The following ZBTB44 variants were observed in gnomAD, a reference collection of about 807,000 sequenced individuals.
The protein encoded by ZBTB44 is zinc finger and BTB domain-containing protein 44.
ZBTB44 carries 15 observed loss-of-function variants against 54.0 expected under a neutral mutation model. The ratio of observed to expected loss-of-function variants is 0.28; its 90% CI spans 0.19 to 0.43. The LOEUF is 0.43. Among genes scored for constraint, ZBTB44 ranks in the 20% least tolerant of loss-of-function variants. The pLI, the probability that ZBTB44 is intolerant of heterozygous loss-of-function variation, is 1.00. For synonymous variants in ZBTB44, 230 were observed against 250.1 expected, an observed-to-expected ratio of 0.92 and a Z score of 0.76; for missense variants, 487 against 707.1, an observed-to-expected ratio of 0.69 and a Z score of 3.53.
chr11:130,238,335 C>T, intron 4 of ZBTB44, 109 bp downstream of exon 4: 1 of 1,335,810 alleles, frequency 7.5e-7, no homozygotes, highest in South Asian at 1.7e-5. Context: ...TTTGACTTCC[C>T]AGAGTTTTTT....
chr11:130,245,551 C>A (rs1954605081), intron 2 of ZBTB44, among the ~76,000 whole-genome samples: 1 of 152,176 alleles, frequency 6.6e-6, no homozygotes, highest in South Asian at 2.1e-4. Flanking sequence ...CAAAGGCTTG[C>A]CCCAAAACGC....
At chr11:130,233,020 A>C (rs941763683) in intron 7 of ZBTB44, 1 of 301,414 alleles carries the variant, frequency 3.3e-6, no homozygotes, top group African/African-American at 2.2e-5. Context: ...AAAAAGAAAA[A>C]AAAAAAGAAT....
intron 1 of ZBTB44, among the ~76,000 whole-genome samples, chr11:130,272,987 T>C (rs772733875): frequency 1.1e-4 from 17 of 152,142 alleles, no homozygotes; most frequent in Non-Finnish European, 2.2e-4. Context: ...AGAAGCTGAG[T>C]CCTCTTATTT....
At chr11:130,284,492 A>T (rs569540985) in intron 1 of ZBTB44, among the ~76,000 whole-genome samples, 1 of 152,330 alleles carries the variant, frequency 6.6e-6, no homozygotes, top group South Asian at 2.1e-4. Context: ...TTAACGTCAG[A>T]GCTAGGGATG....
intron 1 of ZBTB44, among the ~76,000 whole-genome samples, chr11:130,281,089 T>G (rs1940463869): frequency 6.6e-6 from 1 of 152,116 alleles, no homozygotes; most frequent in South Asian, 2.1e-4. Context: ...AACGTTAAAA[T>G]GAACAAAAAT....
chr11:130,274,283 G>T (rs1241259404), intron 1 of ZBTB44, among the ~76,000 whole-genome samples: 2 of 152,170 alleles, frequency 1.3e-5, no homozygotes, highest in Admixed American at 6.5e-5. Flanking sequence ...GATTTGGGAT[G>T]CTCAACGTGT....
chr11:130,256,877 A>G (rs1353783508), intron 2 of ZBTB44, among the ~76,000 whole-genome samples: 2 of 152,136 alleles, frequency 1.3e-5, no homozygotes, highest in Non-Finnish European at 2.9e-5. Flanking sequence ...TATTCAACAC[A>G]GTACTGGAAG....
At chr11:130,232,751 A>C (rs1953925846) in intron 7 of ZBTB44, 1 of 152,360 alleles carries the variant, frequency 6.6e-6, no homozygotes, top group African/African-American at 2.4e-5. Flanking sequence ...CAGTGATCCC[A>C]GCAGTCTGGG....
Position 130,261,778 on chromosome 11 carries a change from A to C in ZBTB44, c.96T>G (p.Asp32Glu). Residue 32 changes from aspartate to glutamate, a missense_variant, in exon 2 of 8, where the codon GAT becomes GAG. Asp to Glu is a conservative substitution (Grantham distance 45). Transcript: ENST00000357899. The surrounding 1 kb of genome is among the most constrained non-coding windows in gnomAD (Gnocchi z 4.8). ...TTTTGTCCTGGACACGAATAGTGAT[A>C]TCACAAAAATGTCCATCATTTCGCA... is the stretch of plus-strand genomic sequence containing the variant. ...NMLRNDGHFCDITIRVQDKIF... is the reference protein window; with the variant it reads ...NMLRNDGHFCEITIRVQDKIF... 6.2e-7 allele frequency: 1 copy of C among 1,614,066 alleles called. No individual in the cohort carries two copies. The highest frequency in any genetic ancestry group is 8.5e-7 in the Non-Finnish European group (1 of 1,179,904).
In ZBTB44 at chr11:130,265,391, A is replaced by C. The variant is rs1278803163; in HGVS notation, c.-56-3462T>G. Among the ~76,000 whole-genome samples the C allele has an allele frequency of 2.0e-5, 3 of 152,040 alleles. No homozygotes were observed. The South Asian group carries it at 6.2e-4, about 32-fold the overall frequency. On this transcript the variant is annotated intron_variant, in intron 1 of 7. Coordinates refer to ENST00000357899, the MANE Select transcript of ZBTB44 (RefSeq NM_001301098.2). ...AGGTGCATACAACAAAGCCCAGCTA[A>C]TTTTTGTATTTTTAGTAGAGAGGGG...
intron 1 of ZBTB44, among the ~76,000 whole-genome samples, chr11:130,304,202 C>G (rs1942145936): frequency 6.6e-6 from 1 of 152,068 alleles, no homozygotes; most frequent in African/African-American, 2.4e-5. Context: ...TAACTTTTAG[C>G]TTAACAGGAG....
chr11:130,307,602 T>C (rs1223098871), intron 1 of ZBTB44, among the ~76,000 whole-genome samples: 1 of 152,152 alleles, frequency 6.6e-6, no homozygotes, highest in Non-Finnish European at 1.5e-5. Context: ...TATACAATCA[T>C]GCGTGGCATG....
intron 2 of ZBTB44, among the ~76,000 whole-genome samples, chr11:130,255,318 C>T (rs941436730): frequency 2.0e-5 from 3 of 152,020 alleles, no homozygotes; most frequent in Admixed American, 2.0e-4. Flanking sequence ...GGGTAAATAA[C>T]GAAATTAAGG....
At position 130,314,443 on chromosome 11, in the gene ZBTB44, G is replaced by C. The variant is rs1350460962; in HGVS notation, c.-125C>G. Reference sequence around the variant, plus strand: ...CCTTCTCCCGCCAGGCTGGGGCGGCGAGGCGGCGGCGGCGGCGGCCCGGGG... The same window carrying C: ...CCTTCTCCCGCCAGGCTGGGGCGGCCAGGCGGCGGCGGCGGCGGCCCGGGG... On this transcript the variant is annotated 5_prime_UTR_variant, in exon 1 of 8. Coordinates refer to ENST00000357899, the MANE Select transcript of ZBTB44 (RefSeq NM_001301098.2). 6.6e-6 allele frequency: 1 copy of C among 152,286 alleles called. No homozygotes were observed. Among genetic ancestry groups the C allele is most frequent in the Non-Finnish European group, 1.4e-5 (1 of 69,290 alleles). 9.4% of individuals were successfully genotyped at this position (152,286 alleles called of 1,614,324 possible).
intron 1 of ZBTB44, among the ~76,000 whole-genome samples, chr11:130,272,900 T>A (rs1565667925): frequency 6.6e-6 from 1 of 152,204 alleles, no homozygotes; most frequent in Non-Finnish European, 1.5e-5. Flanking sequence ...GGACTCTCTA[T>A]TCCATTGATT....
chr11:130,291,074 C>T (rs1941276931), intron 1 of ZBTB44, among the ~76,000 whole-genome samples: 1 of 152,118 alleles, frequency 6.6e-6, no homozygotes, highest in African/African-American at 2.4e-5. Context: ...CACTGATCTC[C>T]ACAGGTCAAA....
At chr11:130,293,994 C>G (rs985895095) in intron 1 of ZBTB44, among the ~76,000 whole-genome samples, 4 of 152,090 alleles carry the variant, frequency 2.6e-5, no homozygotes, top group Non-Finnish European at 5.9e-5. Context: ...TAGTAGTCAC[C>G]AAGTCATGCT....
chr11:130,290,875 T>C (rs1941263056), intron 1 of ZBTB44, among the ~76,000 whole-genome samples: 1 of 152,232 alleles, frequency 6.6e-6, no homozygotes, highest in African/African-American at 2.4e-5. Context: ...ACTTATATCC[T>C]GATGGTAAAC....
chr11:130,270,724 TAA>T (rs1264915292), intron 1 of ZBTB44, among the ~76,000 whole-genome samples: 1 of 152,162 alleles, frequency 6.6e-6, no homozygotes, highest in African/African-American at 2.4e-5. Flanking sequence ...GAACAGTAGC[TAA>T]AAGAGTCAGA....
Sources: gnomAD v4.1 joint callset for allele counts (sites outside exome capture counted in the v4.1 genomes callset) on GRCh38, gnomAD v4.1.1 for gene constraint, Gnocchi (gnomAD v3.1) non-coding constraint, MANE v1.5 for transcripts, NCBI Gene and HGNC (gene_info 2026-07-23, HGNC 2026-07-21) for gene names.